UNC13C: variants seen among roughly 807,000 people sequenced by gnomAD.
UNC13C encodes the protein protein unc-13 homolog C.
Under a neutral mutation model 245.4 loss-of-function variants are expected in UNC13C, and 174 were observed. That is an observed-to-expected ratio of 0.71 (90% CI 0.63 to 0.80). The LOEUF is 0.80. Ranked by LOEUF, UNC13C falls within the 30% of genes least tolerant of loss-of-function variation. The pLI is 0.00. For synonymous variants in UNC13C, 992 were observed against 895.1 expected, an observed-to-expected ratio of 1.11 and a Z score of -1.93; for missense variants, 2,829 against 2,602.9, an observed-to-expected ratio of 1.09 and a Z score of -1.89.
chr15:54,458,581 T>G (rs1253879541), intron 19 of UNC13C, among the ~76,000 whole-genome samples: 1 of 151,902 alleles, frequency 6.6e-6, no homozygotes, highest in Non-Finnish European at 1.5e-5. Flanking sequence ...CAGTGTTAGA[T>G]GTGTATATAT....
At chr15:53,907,025 T>C in the UNC13C span, among the ~76,000 whole-genome samples, 2,326 of 152,278 alleles carry the variant, frequency 0.015, 71 homozygotes, top group African/African-American at 0.053. Flanking sequence ...ATGAGGATTA[T>C]AATTCAAGAT....
Position 54,618,384 on chromosome 15 carries a change from C to G in UNC13C, c.6107-3943C>G, listed in dbSNP as rs114781879. ...GGTGATTTCACATGTAGGCTAATCC[C>G]TATGGATTTACAATAAGCAAGACTA... On this transcript the variant is annotated intron_variant, in intron 30 of 32. Coordinates refer to ENST00000260323, the MANE Select transcript of UNC13C (RefSeq NM_001080534.3). Among the ~76,000 whole-genome samples the G allele has an allele frequency of 4.7e-3, 721 of 152,230 alleles. 4 individuals carry two copies. Among genetic ancestry groups the G allele is most frequent in the African/African-American group, 0.017 (694 of 41,560 alleles).
the UNC13C span, among the ~76,000 whole-genome samples, chr15:53,929,268 A>G: frequency 1.3e-5 from 2 of 152,144 alleles, no homozygotes; most frequent in South Asian, 2.1e-4. Context: ...CCATGATTCA[A>G]TTACCTCCCA....
At chr15:54,363,269 C>T (rs763676307) in intron 17 of UNC13C, among the ~76,000 whole-genome samples, 11 of 152,104 alleles carry the variant, frequency 7.2e-5, no homozygotes, top group Non-Finnish European at 1.2e-4. Context: ...CCAGCCCACC[C>T]AGCCAATTTT....
At chr15:53,895,921 G>A in the UNC13C span, among the ~76,000 whole-genome samples, 1 of 151,780 alleles carries the variant, frequency 6.6e-6, no homozygotes, top group Non-Finnish European at 1.5e-5. Flanking sequence ...TGAGTCTGTA[G>A]GTAAGATTGA....
At chr15:54,369,054 A>G (rs1186889042) in intron 17 of UNC13C, among the ~76,000 whole-genome samples, 1 of 152,156 alleles carries the variant, frequency 6.6e-6, no homozygotes, top group Admixed American at 6.5e-5. Context: ...TATAACTTAT[A>G]AAGTCCTTCA....
chr15:54,421,777 G>A (rs1178973488), intron 19 of UNC13C, among the ~76,000 whole-genome samples: 1 of 151,948 alleles, frequency 6.6e-6, no homozygotes, highest in Non-Finnish European at 1.5e-5. Flanking sequence ...TGATAAAAAT[G>A]ATCACCAAAG....
At chr15:54,560,964 T>C (rs1897276946) in intron 29 of UNC13C, among the ~76,000 whole-genome samples, 1 of 152,052 alleles carries the variant, frequency 6.6e-6, no homozygotes, top group African/African-American at 2.4e-5. Flanking sequence ...GGCTTCTCTT[T>C]CTACTCTTAA....
chr15:54,524,550 G>A (rs1348574772), intron 24 of UNC13C, among the ~76,000 whole-genome samples: 1 of 152,182 alleles, frequency 6.6e-6, no homozygotes, highest in East Asian at 1.9e-4. Context: ...GCAGAGATAT[G>A]TAAATAATTC....
intron 2 of UNC13C, among the ~76,000 whole-genome samples, chr15:54,139,258 C>T (rs1426230978): frequency 1.4e-5 from 1 of 70,542 alleles, no homozygotes. Context: ...GCATCCGGCC[C>T]AAATTTCCCC....
At chr15:54,409,155 T>G (rs1054031430) in intron 18 of UNC13C, among the ~76,000 whole-genome samples, 2 of 152,204 alleles carry the variant, frequency 1.3e-5, no homozygotes, top group African/African-American at 4.8e-5. Flanking sequence ...TTTACTCTTA[T>G]TAAGGTGAAC....
intron 2 of UNC13C, among the ~76,000 whole-genome samples, chr15:54,046,617 C>G (rs1405658117): frequency 6.6e-6 from 1 of 151,450 alleles, no homozygotes; most frequent in South Asian, 2.1e-4. Flanking sequence ...GGCTATTAGC[C>G]TTTTTTGTTG....
At chr15:53,864,900 A>T in the UNC13C span, among the ~76,000 whole-genome samples, 3 of 152,286 alleles carry the variant, frequency 2.0e-5, no homozygotes, top group South Asian at 6.2e-4. Context: ...TTCTAGACAA[A>T]TCTGAGTCTA....
intron 17 of UNC13C, among the ~76,000 whole-genome samples, chr15:54,362,910 G>C (rs1567216087): frequency 6.6e-6 from 1 of 152,150 alleles, no homozygotes; most frequent in African/African-American, 2.4e-5. Context: ...TAAAGAATAG[G>C]TAAGTTAAGT....
the UNC13C span, among the ~76,000 whole-genome samples, chr15:53,939,064 T>G: frequency 6.6e-6 from 1 of 151,144 alleles, no homozygotes; most frequent in Admixed American, 6.6e-5. Flanking sequence ...CAGGAGCTGG[T>G]TTTTTGCAAA....
intron 4 of UNC13C, among the ~76,000 whole-genome samples, chr15:54,223,031 C>T (rs1198583004): frequency 6.6e-6 from 1 of 151,964 alleles, no homozygotes; most frequent in Non-Finnish European, 1.5e-5. Context: ...ATATTTTCTC[C>T]CATTATGTGG....
chr15:54,086,797 G>A (rs555513058), intron 2 of UNC13C, among the ~76,000 whole-genome samples: 3 of 140,310 alleles, frequency 2.1e-5, no homozygotes, highest in South Asian at 2.3e-4. Flanking sequence ...GTGCAGTGGC[G>A]AGATCTCAGC....
chr15:54,094,953 T>C (rs1211458410), intron 2 of UNC13C, among the ~76,000 whole-genome samples: 1 of 152,180 alleles, frequency 6.6e-6, no homozygotes, highest in Non-Finnish European at 1.5e-5. Flanking sequence ...TCTATCCTAA[T>C]AGCTTCAGCA....
chr15:54,195,848 T>C (rs2034335628), intron 4 of UNC13C, among the ~76,000 whole-genome samples: 1 of 152,142 alleles, frequency 6.6e-6, no homozygotes, highest in African/African-American at 2.4e-5. Context: ...AATTACCTGT[T>C]ACTTGATAAT....
Sources: allele counts gnomAD v4.1 joint callset (sites outside exome capture counted in the v4.1 genomes callset), GRCh38; gene constraint gnomAD v4.1.1; transcripts MANE v1.5; gene names NCBI Gene and HGNC (gene_info 2026-07-23, HGNC 2026-07-21).